Variants in PPM1H observed in about 807,000 individuals in gnomAD.
PPM1H encodes protein phosphatase 1H.
PPM1H carries 27 observed loss-of-function variants against 54.9 expected under a neutral mutation model. The observed-to-expected ratio is 0.49, with a 90% confidence interval of 0.36 to 0.68. PPM1H has a LOEUF of 0.68. Among genes scored for constraint, PPM1H ranks in the 30% least tolerant of loss-of-function variants. The pLI is 0.00. For synonymous variants in PPM1H, 305 were observed against 270.8 expected, an observed-to-expected ratio of 1.13 and a Z score of -1.24; for missense variants, 596 against 667.8, an observed-to-expected ratio of 0.89 and a Z score of 1.19.
chr12:62,898,838 A>T (rs1305785171), intron 1 of PPM1H, among the ~76,000 whole-genome samples: 1 of 152,186 alleles, frequency 6.6e-6, no homozygotes, highest in African/African-American at 2.4e-5. Context: ...TAATTTACAT[A>T]CATTAAAGTT....
chr12:62,670,864 C>A (rs955929631), intron 8 of PPM1H, among the ~76,000 whole-genome samples: 3 of 152,170 alleles, frequency 2.0e-5, no homozygotes, highest in Non-Finnish European at 4.4e-5. Flanking sequence ...TTACAACCAC[C>A]CTCTGTTTCC....
chr12:62,676,642 T>A (rs2136623041), intron 8 of PPM1H, among the ~76,000 whole-genome samples: 1 of 152,042 alleles, frequency 6.6e-6, no homozygotes, highest in East Asian at 1.9e-4. Context: ...CCCGGCTGGG[T>A]GTGTGGGGGC....
intron 1 of PPM1H, among the ~76,000 whole-genome samples, chr12:62,843,392 C>T (rs892640889): frequency 9.2e-5 from 14 of 152,262 alleles, no homozygotes; most frequent in South Asian, 2.1e-4. Context: ...CAACTGTAAA[C>T]GTGAGAAAGG....
At chr12:62,826,129 A>C (rs1030763314) in intron 2 of PPM1H, among the ~76,000 whole-genome samples, 5 of 152,192 alleles carry the variant, frequency 3.3e-5, no homozygotes, top group Admixed American at 2.0e-4. Flanking sequence ...TTAAATCTTA[A>C]CACCAATTCA....
chr12:62,859,440 G>A (rs1327030000), intron 1 of PPM1H, among the ~76,000 whole-genome samples: 1 of 152,086 alleles, frequency 6.6e-6, no homozygotes, highest in Non-Finnish European at 1.5e-5. Flanking sequence ...TAAACAGCAT[G>A]GTGCATTATC....
chr12:62,768,313 T>C (rs140965928), intron 4 of PPM1H, among the ~76,000 whole-genome samples: 2 of 151,928 alleles, frequency 1.3e-5, no homozygotes, highest in Non-Finnish European at 2.9e-5. Context: ...GAGGCTATCA[T>C]GAGGGGGAAA....
At chr12:62,769,269 G>A (rs1242180245) in intron 4 of PPM1H, among the ~76,000 whole-genome samples, 1 of 152,178 alleles carries the variant, frequency 6.6e-6, no homozygotes, top group Non-Finnish European at 1.5e-5. Flanking sequence ...CACCACTTGG[G>A]GTAAGGAAGT....
In PPM1H at chr12:62,689,693, C is replaced by T. The variant is rs144585365; in HGVS notation, c.1245+6G>A. 175 of 1,606,648 alleles carry T rather than the reference C, an allele frequency of 1.1e-4. No individual in the cohort carries two copies. Among genetic ancestry groups the T allele is most frequent in the Middle Eastern group, 5.0e-4 (3 of 6,048 alleles). ...ACAAAATATAAACAAAAACCTCATG[C>T]GGTACCTCTGGAGCTGAAGACAGGA... On this transcript the variant is annotated splice_donor_region_variant and intron_variant, in intron 8 of 9. Transcript: ENST00000228705.
At chr12:62,712,734 G>T (rs1216964044) in intron 6 of PPM1H, among the ~76,000 whole-genome samples, 15 of 152,164 alleles carry the variant, frequency 9.9e-5, no homozygotes, top group Admixed American at 9.2e-4. Context: ...AGACCCACAG[G>T]CATGGCCAAC....
chr12:62,761,912 C>T (rs965116073), intron 4 of PPM1H, among the ~76,000 whole-genome samples: 3 of 152,160 alleles, frequency 2.0e-5, no homozygotes, highest in Admixed American at 6.5e-5. Context: ...GGGAAATGGA[C>T]GTGGCTCCCA....
At chr12:62,808,290 T>A (rs1018097194) in intron 2 of PPM1H, among the ~76,000 whole-genome samples, 4 of 152,320 alleles carry the variant, frequency 2.6e-5, no homozygotes, top group Non-Finnish European at 5.9e-5. Flanking sequence ...ATATAACTGC[T>A]CTAGGTCACC....
At chr12:62,751,710 C>T (rs1050668177) in intron 4 of PPM1H, among the ~76,000 whole-genome samples, 17 of 152,202 alleles carry the variant, frequency 1.1e-4, no homozygotes, top group Admixed American at 9.2e-4. Flanking sequence ...TCAGGAACTA[C>T]GTCTGCTACA....
chr12:62,705,894 G>C (rs956136514), intron 6 of PPM1H, among the ~76,000 whole-genome samples: 2 of 152,198 alleles, frequency 1.3e-5, no homozygotes, highest in Non-Finnish European at 2.9e-5. Context: ...ACAAATGGTG[G>C]GGTGAAAATA....
At chr12:62,658,946 A>G (rs1012959833) in intron 9 of PPM1H, 9 of 699,464 alleles carry the variant, frequency 1.3e-5, no homozygotes, top group Middle Eastern at 2.5e-4. Flanking sequence ...AGGTACTGAC[A>G]ACAGGGCTCA....
chr12:62,676,325 T>C (rs1051378178), intron 8 of PPM1H, among the ~76,000 whole-genome samples: 1 of 152,188 alleles, frequency 6.6e-6, no homozygotes, highest in African/African-American at 2.4e-5. Context: ...CTGGACCAGC[T>C]GCTGCAAAGA....
chr12:62,711,192 A>C (rs1013016412), intron 6 of PPM1H, among the ~76,000 whole-genome samples: 3 of 152,134 alleles, frequency 2.0e-5, no homozygotes, highest in Non-Finnish European at 2.9e-5. Flanking sequence ...GGGTCTCCCC[A>C]TGTTGCCCAG....
At chr12:62,695,577 T>C (rs1268863202) in intron 6 of PPM1H, among the ~76,000 whole-genome samples, 2 of 152,166 alleles carry the variant, frequency 1.3e-5, no homozygotes, top group Non-Finnish European at 2.9e-5. Flanking sequence ...AATAACCACT[T>C]TGATGTTTTT....
At chr12:62,889,291 C>G (rs1350365740) in intron 1 of PPM1H, among the ~76,000 whole-genome samples, 3 of 152,010 alleles carry the variant, frequency 2.0e-5, no homozygotes, top group African/African-American at 4.8e-5. Flanking sequence ...AATGGGAAGG[C>G]AAAAGACCCA....
intron 1 of PPM1H, among the ~76,000 whole-genome samples, chr12:62,847,844 A>G (rs1869032144): frequency 6.6e-6 from 1 of 152,228 alleles, no homozygotes; most frequent in African/African-American, 2.4e-5. Context: ...GCAACTGAAA[A>G]AAAAACAAAT....
Sources: gnomAD v4.1 joint callset for allele counts (sites outside exome capture counted in the v4.1 genomes callset) on GRCh38, gnomAD v4.1.1 for gene constraint, MANE v1.5 for transcripts, NCBI Gene and HGNC (gene_info 2026-07-23, HGNC 2026-07-21) for gene names.